NRP1: variants seen among roughly 807,000 people sequenced by gnomAD.
NRP1 encodes the protein neuropilin-1.
Under a neutral mutation model 106.7 loss-of-function variants are expected in NRP1, and 35 were observed. That is an observed-to-expected ratio of 0.33 (90% CI 0.25 to 0.43). The LOEUF (loss-of-function observed/expected upper bound fraction) is 0.43. NRP1 is among the 20% of genes least tolerant of loss of function. The pLI is 1.00. For missense variants in NRP1, 1,024 were observed against 1,170.4 expected (o/e 0.87, Z 1.83); for synonymous variants, 437 against 417.9 (o/e 1.05, Z -0.56).
At chr10:33,181,763 G>A (rs1344231470) in intron 16 of NRP1, among the ~76,000 whole-genome samples, 5 of 152,170 alleles carry the variant, frequency 3.3e-5, no homozygotes, top group Non-Finnish European at 5.9e-5. Flanking sequence ...CTGTAAAATG[G>A]GGACAAATAC....
At chr10:33,202,331 A>G (rs900295374) in intron 11 of NRP1, 16 of 251,158 alleles carry the variant, frequency 6.4e-5, no homozygotes, top group Non-Finnish European at 1.2e-4. Flanking sequence ...TTGGCACACA[A>G]CATCTCTGAT....
chr10:33,261,754 A>T (rs912033675), intron 4 of NRP1, among the ~76,000 whole-genome samples: 3 of 152,046 alleles, frequency 2.0e-5, no homozygotes, highest in Non-Finnish European at 2.9e-5. Flanking sequence ...TCTTTTTTTT[A>T]AAACAGATTC....
At chr10:33,330,488 T>TA (rs770001917) in intron 2 of NRP1, among the ~76,000 whole-genome samples, 4 of 152,088 alleles carry the variant, frequency 2.6e-5, no homozygotes, top group Non-Finnish European at 5.9e-5. Flanking sequence ...GGAAGGAGTA[T>TA]AAGAGCTTAC....
Position 33,287,862 on chromosome 10 carries a change from G to A in NRP1, c.249-17006C>T, listed in dbSNP as rs147258523. ...GGTAAGAGAAATGGAAGCTGTGTCT[G>A]CTGAAGATCATTTGAGGACATTTCC... On this transcript the variant is annotated intron_variant, in intron 2 of 16. Transcript: ENST00000374867. Among the ~76,000 whole-genome samples the A allele has an allele frequency of 3.9e-5, 6 of 152,262 alleles. No homozygotes were observed. In the East Asian group the frequency reaches 5.8e-4, roughly 15 times the overall value.
At chr10:33,276,147 T>G (rs1030803650) in intron 2 of NRP1, among the ~76,000 whole-genome samples, 1 of 152,290 alleles carries the variant, frequency 6.6e-6, no homozygotes, top group Non-Finnish European at 1.5e-5. Context: ...TTTTCAAAAT[T>G]TTTACAATGG....
intron 13 of NRP1, among the ~76,000 whole-genome samples, chr10:33,187,575 A>G (rs1249940897): frequency 6.6e-6 from 1 of 152,128 alleles, no homozygotes; most frequent in Admixed American, 6.5e-5. Flanking sequence ...CTGAACTGCG[A>G]GGACTTTCTC....
chr10:33,334,310 C>G lies in NRP1; in HGVS notation c.73G>C (p.Asp25His), dbSNP rs1338952516. The G allele has an allele frequency of 1.3e-6, 2 of 1,541,960 alleles. No homozygotes were observed. The highest frequency in any genetic ancestry group is 2.0e-5 in the Admixed American group (1 of 50,994). Reference sequence around the variant, plus strand: ...ACCCGCGCCTCTGCCTGTCACTTACCGTTGCGAAAAGCGCCGGCCGGGGCG... The same window carrying G: ...ACCCGCGCCTCTGCCTGTCACTTACGGTTGCGAAAAGCGCCGGCCGGGGCG... ...VLAPAGAFRN[D>H]KCGDTIKIES... Residue 25 changes from aspartate to histidine, a missense_variant and splice_region_variant, in exon 1 of 17, where the codon GAT (aspartate) becomes CAT (histidine). Asp to His is a moderately conservative substitution (Grantham distance 81). Around this residue, in one of 5 missense-constraint regions of NRP1, gnomAD observed 279 missense variants for 327.4 expected, o/e 0.85. Transcript: ENST00000374867.
At chr10:33,319,427 TG>T (rs1847294544) in intron 2 of NRP1, among the ~76,000 whole-genome samples, 2 of 152,030 alleles carry the variant, frequency 1.3e-5, no homozygotes, top group Non-Finnish European at 2.9e-5. Flanking sequence ...GAACAGGACA[TG>T]GGTGGGGACA....
chr10:33,227,617 T>C (rs1399395313), intron 6 of NRP1, among the ~76,000 whole-genome samples: 1 of 151,954 alleles, frequency 6.6e-6, no homozygotes, highest in Non-Finnish European at 1.5e-5. Flanking sequence ...AAGTTTCCAG[T>C]GGAAAAACTC....
Position 33,260,750 on chromosome 10 carries a change from A to G in NRP1, c.658+2896T>C, listed in dbSNP as rs565408709. On this transcript the variant is annotated intron_variant, in intron 4 of 16. Coordinates refer to ENST00000374867, the MANE Select transcript of NRP1 (RefSeq NM_003873.7). Reference sequence around the variant, plus strand: ...GCATGCCTTGAATTTTGAGTTCTGGAGTAAACTGCTTTTCTTCAAAGTCAA... The same window carrying G: ...GCATGCCTTGAATTTTGAGTTCTGGGGTAAACTGCTTTTCTTCAAAGTCAA... Among the ~76,000 whole-genome samples the G allele has an allele frequency of 1.4e-4, 21 of 152,342 alleles. No individual in the cohort carries two copies. In the South Asian group the frequency reaches 3.1e-3, roughly 23 times the overall value.
chr10:33,248,213 C>G (rs965668842), intron 6 of NRP1, among the ~76,000 whole-genome samples: 13 of 152,246 alleles, frequency 8.5e-5, no homozygotes, highest in Non-Finnish European at 1.6e-4. Context: ...TCGCTTGAAC[C>G]CAGGAGGTGG....
chr10:33,330,969 ATTCCTTAACTT>A, intron 1 of NRP1, 87 bp from the exon 2 acceptor site: 2 of 1,211,834 alleles, frequency 1.7e-6, no homozygotes, highest in Non-Finnish European at 2.3e-6. Context: ...GTTATTAAAC[ATTCCTTAACTT>A]TTTAAGGGGA....
intron 3 of NRP1, among the ~76,000 whole-genome samples, chr10:33,266,386 G>C (rs1842918172): frequency 6.6e-6 from 1 of 152,144 alleles, no homozygotes; most frequent in Non-Finnish European, 1.5e-5. Context: ...TGTAAACTTG[G>C]GTGGCCTCTC....
rs925533717 is a variant in NRP1 at position 33,191,022 on chromosome 10, A to T, written c.2062+1259T>A. Among the ~76,000 whole-genome samples the T allele has an allele frequency of 2.4e-3, 157 of 65,918 alleles. 1 individual carries two copies. The highest frequency in any genetic ancestry group is 0.013 in the African/African-American group (148 of 11,532). 43.2% of individuals were successfully genotyped at this position (65,918 alleles called of 152,430 possible). On this transcript the variant is annotated intron_variant, in intron 13 of 16. Transcript: ENST00000374867. Reference sequence around the variant, plus strand: ...GCGCCCTTATGCCTGGCTGATTTTAAAAAAAAAATTTATTTTGTAGTGTCA... The same window carrying T: ...GCGCCCTTATGCCTGGCTGATTTTATAAAAAAAATTTATTTTGTAGTGTCA...
chr10:33,270,879 A>T (rs1843263544), intron 2 of NRP1, 23 bp from the exon 3 acceptor site: 1 of 1,559,476 alleles, frequency 6.4e-7, no homozygotes, highest in Non-Finnish European at 8.7e-7. Flanking sequence ...CATGGAAGAA[A>T]ACATTAGGTT....
intron 4 of NRP1, among the ~76,000 whole-genome samples, chr10:33,258,677 C>T (rs1254040512): frequency 6.6e-6 from 1 of 152,174 alleles, no homozygotes; most frequent in African/African-American, 2.4e-5. Flanking sequence ...GCTTCTGATT[C>T]TTCTACAGGT....
rs943447601 is a variant in NRP1 at position 33,263,833 on chromosome 10, C to T, written c.471G>A (p.Val157=). Residue 157 remains valine, a synonymous_variant, in exon 4 of 17, where the codon GTG becomes GTA. Transcript: ENST00000374867. ...TTTCAGGGAATCCGGGGGACTTTAT[C>T]ACTCCACTAGGTGTTGTGTAGTTCT... is the stretch of plus-strand genomic sequence containing the variant. The part of the protein sequence containing the change: ...CSQNYTTPSG[V]IKSPGFPEKY... The T allele has an allele frequency of 1.9e-5, 30 of 1,613,734 alleles. No homozygotes were observed. Among genetic ancestry groups the T allele is most frequent in the Non-Finnish European group, 2.5e-5 (29 of 1,179,606 alleles).
intron 2 of NRP1, among the ~76,000 whole-genome samples, chr10:33,319,425 C>A (rs891153395): frequency 5.9e-5 from 9 of 152,072 alleles, no homozygotes; most frequent in African/African-American, 2.2e-4. Context: ...ATGAACAGGA[C>A]ATGGGTGGGG....
intron 6 of NRP1, among the ~76,000 whole-genome samples, chr10:33,242,673 T>C (rs1229374361): frequency 1.3e-5 from 2 of 152,222 alleles, no homozygotes; most frequent in Non-Finnish European, 2.9e-5. Flanking sequence ...TGGAAATGTG[T>C]ATTTTATTTC....
Sources: allele counts gnomAD v4.1 joint callset (sites outside exome capture counted in the v4.1 genomes callset), GRCh38; gene constraint gnomAD v4.1.1; regional missense constraint gnomAD v4.1.1; transcripts MANE v1.5; gene names NCBI Gene and HGNC (gene_info 2026-07-23, HGNC 2026-07-21).